DDC: variants seen among roughly 807,000 people sequenced by gnomAD.
The protein encoded by DDC is aromatic-L-amino-acid decarboxylase.
Under a neutral mutation model 60.0 loss-of-function variants are expected in DDC, and 43 were observed. That is an observed-to-expected ratio of 0.72 (90% CI 0.56 to 0.92). The LOEUF is 0.92. Ranked by LOEUF, DDC falls within the 40% of genes least tolerant of loss-of-function variation. The pLI is 0.00. For missense variants in DDC, 573 were observed against 620.2 expected (o/e 0.92, Z 0.81); for synonymous variants, 232 against 234.6 (o/e 0.99, Z 0.10).
chr7:50,492,695 G>GTCTTCTCT (rs759517781), intron 9 of DDC: 3 of 1,355,280 alleles, frequency 2.2e-6, no homozygotes, highest in Non-Finnish European at 1.9e-6. Context: ...TTTTCCAAAT[G>GTCTTCTCT]GCCTTTTCCA....
intron 6 of DDC, among the ~76,000 whole-genome samples, chr7:50,510,748 A>C (rs545953999): frequency 1.3e-5 from 2 of 151,686 alleles, no homozygotes; most frequent in Non-Finnish European, 1.5e-5. Flanking sequence ...TTGGGAGGCC[A>C]AGGCGGGCGG....
chr7:50,554,135 G>T (rs1319704942), intron 1 of DDC, among the ~76,000 whole-genome samples: 1 of 152,166 alleles, frequency 6.6e-6, no homozygotes, highest in African/African-American at 2.4e-5. Flanking sequence ...CAGTTACTCT[G>T]TTACCTTTAA....
intron 10 of DDC, chr7:50,477,473 T>C (rs2042671782): frequency 6.6e-6 from 3 of 454,132 alleles, no homozygotes; most frequent in Non-Finnish European, 4.4e-6. Flanking sequence ...CAACAGGGGC[T>C]GTGGCAGGGC....
intron 5 of DDC, among the ~76,000 whole-genome samples, chr7:50,528,677 T>C (rs1264127748): frequency 2.0e-5 from 3 of 152,054 alleles, no homozygotes; most frequent in Admixed American, 6.5e-5. Flanking sequence ...GGGAGCTTGG[T>C]GGCCAGGCTC....
chr7:50,478,573 G>A (rs929179569), intron 10 of DDC, among the ~76,000 whole-genome samples: 1 of 152,184 alleles, frequency 6.6e-6, no homozygotes, highest in Non-Finnish European at 1.5e-5. Flanking sequence ...CTGCTTCTCC[G>A]TGAATCTGCT....
At chr7:50,494,440 C>G (rs1432412540) in intron 9 of DDC, among the ~76,000 whole-genome samples, 1 of 151,824 alleles carries the variant, frequency 6.6e-6, no homozygotes, top group Non-Finnish European at 1.5e-5. Context: ...GGAAGCGGAG[C>G]TTGCAGTGAG....
intron 2 of DDC, among the ~76,000 whole-genome samples, chr7:50,541,884 A>T (rs1461920480): frequency 6.6e-6 from 1 of 152,238 alleles, no homozygotes; most frequent in Non-Finnish European, 1.5e-5. Context: ...CAGCCAACTG[A>T]GAGAGCTCAC....
intron 11 of DDC, among the ~76,000 whole-genome samples, chr7:50,474,264 G>A (rs571943017): frequency 4.6e-5 from 7 of 152,374 alleles, no homozygotes; most frequent in Middle Eastern, 3.4e-3. Flanking sequence ...TATCAAGGCA[G>A]GGTGAATGGT....
chr7:50,544,798 A>G (rs145885738), intron 1 of DDC, among the ~76,000 whole-genome samples: 152 of 152,366 alleles, frequency 1.0e-3, no homozygotes, highest in African/African-American at 3.4e-3. Flanking sequence ...GTGAATACTG[A>G]ACCATTTCTT....
At chr7:50,532,236 G>A (rs547575068) in intron 4 of DDC, among the ~76,000 whole-genome samples, 40 of 152,306 alleles carry the variant, frequency 2.6e-4, no homozygotes, top group Admixed American at 2.5e-3. Context: ...AGCTTCCGGT[G>A]GCAAACACAG....
chr7:50,535,946 C>T lies in DDC; in HGVS notation c.435+1914G>A, dbSNP rs75244434. Among the ~76,000 whole-genome samples, 526 of 152,246 alleles carry T rather than the reference C, an allele frequency of 3.5e-3. 2 individuals carry two copies. Among genetic ancestry groups the T allele is most frequent in the African/African-American group, 0.012 (497 of 41,542 alleles). ...TCTTATATGTGGTCACAAGGAGATG[C>T]GACCAGGAAAGTGTGAAAGGAAAAT... On this transcript the variant is annotated intron_variant, in intron 4 of 14. Coordinates refer to ENST00000444124, the MANE Select transcript of DDC (RefSeq NM_001082971.2).
intron 3 of DDC, among the ~76,000 whole-genome samples, chr7:50,538,902 G>C (rs1199671247): frequency 6.6e-6 from 1 of 151,810 alleles, no homozygotes; most frequent in Non-Finnish European, 1.5e-5. Context: ...AGGCCCCAGT[G>C]CCTGGCAGAG....
intron 6 of DDC, among the ~76,000 whole-genome samples, chr7:50,526,799 A>G (rs979533226): frequency 6.6e-6 from 1 of 152,220 alleles, no homozygotes; most frequent in Non-Finnish European, 1.5e-5. Context: ...AACATTAGCC[A>G]ATAGAAAACA....
intron 8 of DDC, among the ~76,000 whole-genome samples, chr7:50,497,675 A>G (rs551086501): frequency 6.6e-6 from 1 of 152,310 alleles, no homozygotes; most frequent in East Asian, 1.9e-4. Flanking sequence ...CTGGCATCAC[A>G]TTATGAGAAC....
At chr7:50,506,343 G>A (rs7793185) in intron 6 of DDC, among the ~76,000 whole-genome samples, 7,545 of 152,186 alleles carry the variant, frequency 0.05, 254 homozygotes, top group Middle Eastern at 0.085. Context: ...TCCACACACC[G>A]GGGCCTGTCA....
chr7:50,527,124 G>A (rs1213852581), intron 6 of DDC, among the ~76,000 whole-genome samples: 2 of 152,146 alleles, frequency 1.3e-5, no homozygotes, highest in African/African-American at 4.8e-5. Context: ...ATATGAAACT[G>A]ACTTCATATA....
intron 9 of DDC, among the ~76,000 whole-genome samples, chr7:50,481,848 T>C (rs1393616299): frequency 2.0e-5 from 3 of 152,206 alleles, no homozygotes; most frequent in African/African-American, 7.2e-5. Flanking sequence ...TCCATGCATG[T>C]TTCTATAATT....
chr7:50,552,834 C>A (rs957381081), intron 1 of DDC, among the ~76,000 whole-genome samples: 1 of 152,170 alleles, frequency 6.6e-6, no homozygotes, highest in African/African-American at 2.4e-5. Context: ...TTCAAATCAC[C>A]AGCCCCTCAC....
At chr7:50,516,064 TG>T (rs1392314818) in intron 6 of DDC, among the ~76,000 whole-genome samples, 2 of 152,146 alleles carry the variant, frequency 1.3e-5, no homozygotes, top group African/African-American at 4.8e-5. Flanking sequence ...AACTATATCC[TG>T]GAACAAATGG....
Sources: allele counts gnomAD v4.1 joint callset (sites outside exome capture counted in the v4.1 genomes callset), GRCh38; gene constraint gnomAD v4.1.1; transcripts MANE v1.5; gene names NCBI Gene and HGNC (gene_info 2026-07-23, HGNC 2026-07-21).